Variants in WDPCP observed in about 807,000 individuals in gnomAD.
WDPCP encodes WD repeat containing planar cell polarity effector.
In WDPCP, 71 loss-of-function variants were observed where a neutral mutation model predicts 93.1. The ratio of observed to expected loss-of-function variants is 0.76; its 90% CI spans 0.63 to 0.93. WDPCP has a LOEUF of 0.93. WDPCP is among the 40% of genes least tolerant of loss of function. WDPCP has a pLI of 0.00. For synonymous variants in WDPCP, 315 were observed against 315.0 expected, an observed-to-expected ratio of 1.00 and a Z score of 0.00; for missense variants, 844 against 887.4, an observed-to-expected ratio of 0.95 and a Z score of 0.62.
intron 14 of WDPCP, among the ~76,000 whole-genome samples, chr2:63,255,414 G>C (rs565345534): frequency 2.0e-5 from 3 of 152,158 alleles, no homozygotes; most frequent in Non-Finnish European, 4.4e-5. Flanking sequence ...GTTGGAGGTA[G>C]GGCCTCATGG....
chr2:63,517,740 ATT>A (rs1320494821), intron 1 of WDPCP, among the ~76,000 whole-genome samples: 1 of 151,920 alleles, frequency 6.6e-6, no homozygotes, highest in Admixed American at 6.6e-5. Context: ...TCCCTGTCAC[ATT>A]TTGTCTTTTA....
intron 12 of WDPCP, among the ~76,000 whole-genome samples, chr2:63,317,028 G>A (rs185738265): frequency 2.0e-5 from 3 of 152,162 alleles, no homozygotes; most frequent in Non-Finnish European, 4.4e-5. Flanking sequence ...ACAAAACACT[G>A]TGGAAAGAAA....
intron 2 of WDPCP, among the ~76,000 whole-genome samples, chr2:63,800,040 C>A (rs574464300): frequency 6.6e-6 from 1 of 152,178 alleles, no homozygotes; most frequent in African/African-American, 2.4e-5. Context: ...AAGTATTGGT[C>A]TATATAACTA....
At chr2:63,537,241 C>T (rs1362973251) in intron 1 of WDPCP, among the ~76,000 whole-genome samples, 1 of 152,144 alleles carries the variant, frequency 6.6e-6, no homozygotes, top group East Asian at 1.9e-4. Flanking sequence ...CTTGCTGTTA[C>T]TAGTTAAATA....
intron 2 of WDPCP, chr2:63,717,168 T>C (rs763533383): frequency 4.7e-6 from 2 of 427,946 alleles, no homozygotes; most frequent in Non-Finnish European, 9.0e-6. Flanking sequence ...AAATGAAGAA[T>C]GCATCTTTTT....
At chr2:63,587,672 A>G (rs890724681) in intron 1 of WDPCP, among the ~76,000 whole-genome samples, 1 of 152,260 alleles carries the variant, frequency 6.6e-6, no homozygotes, top group Admixed American at 6.5e-5. Context: ...CAAAAAGCAC[A>G]GCAATTCTCT....
At position 63,248,733 on chromosome 2, in the gene WDPCP, A is replaced by G. The variant is rs140988674; in HGVS notation, c.1915+10574T>C. ...TTCATAATTCTTCTTGGTCCTTAGA[A>G]TTGATAATTTCAAATATCGTATCAT... is the stretch of plus-strand genomic sequence containing the variant. On this transcript the variant is annotated intron_variant, in intron 14 of 17. Coordinates refer to ENST00000272321, the MANE Select transcript of WDPCP (RefSeq NM_015910.7). 2.0e-5 allele frequency among the ~76,000 whole-genome samples: 3 copies of G among 152,238 alleles called. No individual in the cohort carries two copies. The East Asian group carries it at 5.8e-4, about 29-fold the overall frequency.
In WDPCP at chr2:63,487,360, C is replaced by T. The variant is rs373883604; in HGVS notation, c.208+87G>A. 1.5e-4 allele frequency: 142 copies of T among 956,950 alleles called. 1 individual carries two copies. Among genetic ancestry groups the T allele is most frequent in the South Asian group, 1.3e-3 (86 of 65,256 alleles). The allele number at this position is 956,950 out of a possible 1,614,324, so 59.3% of individuals were successfully genotyped here. On this transcript the variant is annotated intron_variant, in intron 3 of 17. Transcript: ENST00000272321. ...AAAATTCTAGAATTTATCTAAAGCTCATGAGAAGAGAGCTTTTAATGGTCA... is the reference window on the plus strand; with the variant it reads ...AAAATTCTAGAATTTATCTAAAGCTTATGAGAAGAGAGCTTTTAATGGTCA...
chr2:63,729,335 TA>T (rs769350512), intron 2 of WDPCP, among the ~76,000 whole-genome samples: 43 of 152,122 alleles, frequency 2.8e-4, no homozygotes, highest in African/African-American at 8.2e-4. Context: ...CAAAAAATGA[TA>T]AAAAAAATAT....
chr2:63,622,853 A>C, intron 3 of WDPCP: 1 of 1,587,240 alleles, frequency 6.3e-7, no homozygotes, highest in Non-Finnish European at 8.6e-7. Flanking sequence ...AAGTGGGCTC[A>C]GCACCCGCGC....
intron 2 of WDPCP, among the ~76,000 whole-genome samples, chr2:63,743,256 T>C (rs1558899933): frequency 6.6e-6 from 1 of 152,126 alleles, no homozygotes; most frequent in South Asian, 2.1e-4. Context: ...GCCTGCTACG[T>C]GGCTTCCCTA....
intron 2 of WDPCP, among the ~76,000 whole-genome samples, chr2:63,813,434 T>C (rs143511243): frequency 3.9e-4 from 59 of 152,320 alleles, no homozygotes; most frequent in Admixed American, 1.0e-3. Flanking sequence ...GAAAAACTCA[T>C]ATTTCTCTGG....
intron 1 of WDPCP, among the ~76,000 whole-genome samples, chr2:63,503,080 T>TTTA (rs1302398152): frequency 7.9e-5 from 12 of 152,260 alleles, no homozygotes; most frequent in Non-Finnish European, 1.6e-4. Context: ...AATCTTTTGT[T>TTTA]TTAGTTAAAT....
intron 12 of WDPCP, among the ~76,000 whole-genome samples, chr2:63,359,171 G>C (rs1228109614): frequency 2.0e-5 from 3 of 150,394 alleles, no homozygotes; most frequent in African/African-American, 4.9e-5. Flanking sequence ...GCCAATATTT[G>C]AGTCTTACCA....
chr2:63,440,409 A>C (rs1697429053), intron 6 of WDPCP: 1 of 152,332 alleles, frequency 6.6e-6, no homozygotes, highest in Admixed American at 6.5e-5. Context: ...ATGTAAATCA[A>C]GGCAATTAAG....
intron 14 of WDPCP, among the ~76,000 whole-genome samples, chr2:63,201,436 C>T (rs13387839): frequency 0.2 from 29,778 of 152,090 alleles, 3,524 homozygotes; most frequent in Non-Finnish European, 0.28. Context: ...ATTTTAAAAA[C>T]GTGCTTTGGA....
rs541591205 is a variant in WDPCP, at chr2:63,795,554, G to GAAGA, written n.308+18064_308+18067dup. Among the ~76,000 whole-genome samples the GAAGA allele has an allele frequency of 2.6e-4, 39 of 147,334 alleles. No individual in the cohort carries two copies. The East Asian group carries it at 3.6e-3, about 13-fold the overall frequency. On this transcript the variant is annotated intron_variant and non_coding_transcript_variant, in intron 2 of 4. Transcript: ENST00000467687. ...AAGAGAAAGAGAAAGAGAGAGGGGG[G>GAAGA]AAGAAAGAAAGAAAGAAAGACAGAC... is the stretch of plus-strand genomic sequence containing the variant.
intron 10 of WDPCP, among the ~76,000 whole-genome samples, chr2:63,388,280 C>T (rs576494015): frequency 1.3e-5 from 2 of 152,098 alleles, no homozygotes; most frequent in African/African-American, 2.4e-5. Context: ...GGACCTCCAG[C>T]AAACTCCAAC....
chr2:63,153,005 AT>A (rs950147340), intron 16 of WDPCP, 60 bp from the exon 17 acceptor site: 40 of 1,432,924 alleles, frequency 2.8e-5, no homozygotes, highest in Non-Finnish European at 3.7e-5. Flanking sequence ...CCTTAAGAAA[AT>A]TTTTTTACAA....
Sources: allele counts gnomAD v4.1 joint callset (sites outside exome capture counted in the v4.1 genomes callset), GRCh38; gene constraint gnomAD v4.1.1; transcripts MANE v1.5; gene names NCBI Gene and HGNC (gene_info 2026-07-23, HGNC 2026-07-21).